TTC34: variants seen among roughly 807,000 people sequenced by gnomAD.
TTC34 encodes tetratricopeptide repeat protein 34.
A neutral mutation model predicts 40.7 loss-of-function variants in TTC34; 44 were observed. The observed-to-expected ratio is 1.08, with a 90% CI of 0.85 to 1.39. The LOEUF is 1.39. Ranked by LOEUF, TTC34 falls within the 40% of genes most tolerant of loss-of-function variation. The probability of loss-of-function intolerance (pLI) is 0.00; values close to 1 mark genes in which losing one functional copy is unlikely to be tolerated. For synonymous variants in TTC34, 422 were observed against 398.6 expected (o/e 1.06, Z -0.70); for missense variants, 884 against 838.0 (o/e 1.05, Z -0.68).
intron 6 of TTC34, among the ~76,000 whole-genome samples, chr1:2,686,264 T>A (rs543117001): frequency 2.8e-4 from 41 of 145,010 alleles, no homozygotes; most frequent in Middle Eastern, 7.5e-3. Context: ...TCTGACAGCG[T>A]GGAGGAGCAC....
chr1:2,771,493 A>G (rs1642130568), intron 6 of TTC34, among the ~76,000 whole-genome samples: 1 of 81,166 alleles, frequency 1.2e-5, no homozygotes, highest in African/African-American at 8.4e-5. Context: ...CCCCCAGGCG[A>G]GCATCTGACA....
chr1:2,654,318 AC>A, intron 6 of TTC34, among the ~76,000 whole-genome samples: 1 of 106,214 alleles, frequency 9.4e-6, no homozygotes, highest in South Asian at 3.1e-4. Flanking sequence ...ACAGTCTGGA[AC>A]AGCACCCATA....
chr1:2,787,010 C>T (rs967383129), intron 4 of TTC34, among the ~76,000 whole-genome samples: 1 of 152,140 alleles, frequency 6.6e-6, no homozygotes, highest in Non-Finnish European at 1.5e-5. Context: ...AACAGGAACC[C>T]GGGATAGCAC....
intron 5 of TTC34, among the ~76,000 whole-genome samples, chr1:2,785,229 G>T (rs548636200): frequency 1.3e-5 from 2 of 152,078 alleles, no homozygotes; most frequent in African/African-American, 4.8e-5. Context: ...AGGATGAGGG[G>T]TGCTTACTAA....
intron 6 of TTC34, among the ~76,000 whole-genome samples, chr1:2,699,572 ACC>A (rs1393929667): frequency 6.9e-6 from 1 of 143,914 alleles, no homozygotes. Flanking sequence ...CAGCACCCAC[ACC>A]CCCAGGTGAG....
rs1436387798 is a variant in TTC34, at chr1:2,750,920, C to A, written c.2226+32689G>T. Among the ~76,000 whole-genome samples, 6 of 110,746 alleles carry A rather than the reference C, an allele frequency of 5.4e-5. 2 individuals are homozygous for A. In the South Asian group the frequency reaches 1.9e-3, roughly 36 times the overall value. The allele number at this position is 110,746 out of a possible 152,430, so 72.7% of individuals were successfully genotyped here. The stretch of plus-strand genomic sequence containing the variant: ...GAGCATCTGAACGCACGGAGCAGCA[C>A]CCACACCTTCAGGCGAGCATCGGAC... On this transcript the variant is annotated intron_variant, in intron 6 of 8. Transcript: ENST00000401095.
At chr1:2,652,347 C>A (rs1332697240) in intron 6 of TTC34, among the ~76,000 whole-genome samples, 4 of 151,282 alleles carry the variant, frequency 2.6e-5, no homozygotes, top group East Asian at 1.9e-4. Context: ...CATCTGATAT[C>A]CTGGAACAGC....
chr1:2,684,426 C>A (rs201305205), intron 6 of TTC34, among the ~76,000 whole-genome samples: 3 of 40,254 alleles, frequency 7.5e-5, no homozygotes, highest in South Asian at 6.7e-4. Flanking sequence ...GACTGGAACA[C>A]CACCCTGCAC....
At chr1:2,695,874 A>C in intron 6 of TTC34, among the ~76,000 whole-genome samples, 1 of 147,870 alleles carries the variant, frequency 6.8e-6, no homozygotes, top group Non-Finnish European at 1.5e-5. Flanking sequence ...CAGAACCCAC[A>C]CCCCGAGGCG....
At chr1:2,657,668 A>T (rs1395446386) in intron 6 of TTC34, among the ~76,000 whole-genome samples, 3 of 60,620 alleles carry the variant, frequency 4.9e-5, no homozygotes, top group Admixed American at 1.6e-4. Context: ...CACCCCCAGG[A>T]GAGCATCCGG....
At chr1:2,768,377 C>T (rs1359705151) in intron 6 of TTC34, among the ~76,000 whole-genome samples, 2 of 152,020 alleles carry the variant, frequency 1.3e-5, no homozygotes, top group African/African-American at 2.4e-5. Flanking sequence ...CCATGCCCAC[C>T]ACAAGGTGAG....
intron 6 of TTC34, among the ~76,000 whole-genome samples, chr1:2,695,076 C>G (rs547131588): frequency 5.3e-5 from 8 of 150,652 alleles, no homozygotes; most frequent in Admixed American, 3.3e-4. Flanking sequence ...ACACACACCC[C>G]CAGGCGAGCA....
chr1:2,752,599 A>G (rs1641361070), intron 6 of TTC34, among the ~76,000 whole-genome samples: 1 of 82,256 alleles, frequency 1.2e-5, no homozygotes, highest in Non-Finnish European at 2.4e-5. Flanking sequence ...GACAACCTGG[A>G]ACAGGACAAA....
At chr1:2,783,734 A>G (rs974097215) in exon 6 of TTC34, 1 of 1,542,760 alleles carries the variant, frequency 6.5e-7, no homozygotes. Context: ...AGGAACCCAT[A>G]GCAGCGGGCT....
chr1:2,755,986 C>T (rs1641492593), intron 6 of TTC34, among the ~76,000 whole-genome samples: 3 of 81,712 alleles, frequency 3.7e-5, no homozygotes, highest in East Asian at 3.7e-4. Context: ...CACCCTGCAA[C>T]CCAGGTGAGC....
intron 4 of TTC34, 28 bp from the exon 5 acceptor site, chr1:2,786,051 T>G: frequency 6.9e-7 from 1 of 1,442,674 alleles, no homozygotes; most frequent in Non-Finnish European, 9.2e-7. Flanking sequence ...TCACTGCCCA[T>G]GCCCTTGGGA....
chr1:2,774,737 C>G (rs1399927750), intron 6 of TTC34: 1 of 29,904 alleles, frequency 3.3e-5, no homozygotes, highest in Non-Finnish European at 6.2e-5. Flanking sequence ...TGGAGCAGCA[C>G]CCACACCCCC....
At chr1:2,753,401 T>G (rs1413088227) in intron 6 of TTC34, among the ~76,000 whole-genome samples, 262 of 26,968 alleles carry the variant, frequency 9.7e-3, no homozygotes, top group African/African-American at 0.014. Flanking sequence ...TGACAGCATG[T>G]AACAGCACCC....
chr1:2,653,210 C>G (rs1413724703), intron 6 of TTC34, among the ~76,000 whole-genome samples: 159 of 143,236 alleles, frequency 1.1e-3, no homozygotes, highest in African/African-American at 3.8e-3. Flanking sequence ...CCCACACCCC[C>G]AGGTGAACAT....
Sources: gnomAD v4.1 joint callset for allele counts (sites outside exome capture counted in the v4.1 genomes callset) on GRCh38, gnomAD v4.1.1 for gene constraint, MANE v1.5 for transcripts, NCBI Gene and HGNC (gene_info 2026-07-23, HGNC 2026-07-21) for gene names.